ZNF273: variants seen among roughly 807,000 people sequenced by gnomAD.
ZNF273 encodes the protein zinc finger protein 273.
Under a neutral mutation model 14.9 loss-of-function variants are expected in ZNF273, and 11 were observed. The observed-to-expected ratio is 0.74, with a 90% CI of 0.46 to 1.22. ZNF273 has a LOEUF of 1.22. ZNF273 is among the 50% of genes most tolerant of loss of function. The pLI, the probability that ZNF273 is intolerant of heterozygous loss-of-function variation, is 0.00. For synonymous variants in ZNF273, 199 were observed against 223.9 expected (o/e 0.89, Z 0.99); for missense variants, 577 against 660.6 (o/e 0.87, Z 1.39).
At chr7:64,910,762 ATTTATTT>A (rs1302666820) in intron 1 of ZNF273, among the ~76,000 whole-genome samples, 3 of 100,528 alleles carry the variant, frequency 3.0e-5, no homozygotes, top group Non-Finnish European at 5.9e-5. Flanking sequence ...TAAATCTGTA[ATTTATTT>A]TTTTTTTTTT....
intron 3 of ZNF273, among the ~76,000 whole-genome samples, chr7:64,920,650 G>T (rs1222408507): frequency 6.6e-6 from 1 of 152,132 alleles, no homozygotes; most frequent in African/African-American, 2.4e-5. Flanking sequence ...AAGAACAGGG[G>T]TCCTGTAGTT....
At chr7:64,916,369 G>GAAA (rs762863213) in intron 1 of ZNF273, among the ~76,000 whole-genome samples, 82 of 135,050 alleles carry the variant, frequency 6.1e-4, no homozygotes, top group South Asian at 1.4e-3. Context: ...TACTAAAAAT[G>GAAA]TAAAAAAAAA....
At chr7:64,931,502 AT>A (rs761998216), downstream of ZNF273, among the ~76,000 whole-genome samples, 5 of 152,062 alleles carry the variant, frequency 3.3e-5, no homozygotes, top group Non-Finnish European at 7.4e-5. Context: ...TTTAGATGTA[AT>A]TTTACTATTA....
downstream of ZNF273, among the ~76,000 whole-genome samples, chr7:64,882,065 G>A (rs1791275268): frequency 2.0e-5 from 3 of 152,136 alleles, no homozygotes; most frequent in Admixed American, 2.0e-4. Flanking sequence ...CGTGGGTGCT[G>A]AGAAGGGGGA....
At chr7:64,886,436 G>C (rs1236084408) in intron 1 of ZNF273, among the ~76,000 whole-genome samples, 1 of 152,166 alleles carries the variant, frequency 6.6e-6, no homozygotes, top group South Asian at 2.1e-4. Flanking sequence ...CACAGAAGAG[G>C]AAACTAAATT....
At chr7:64,909,178 A>T (rs551958503) in intron 1 of ZNF273, among the ~76,000 whole-genome samples, 1 of 151,294 alleles carries the variant, frequency 6.6e-6, no homozygotes, top group East Asian at 1.9e-4. Flanking sequence ...TGGCCTCCCA[A>T]TGTGCTGCGA....
chr7:64,883,705 C>T (rs1222019682), downstream of ZNF273, among the ~76,000 whole-genome samples: 3 of 152,296 alleles, frequency 2.0e-5, no homozygotes, highest in African/African-American at 4.8e-5. Flanking sequence ...GGCTGTCATT[C>T]CCGGAGCCAC....
intron 1 of ZNF273, among the ~76,000 whole-genome samples, chr7:64,913,049 G>A (rs573031138): frequency 1.6e-4 from 25 of 151,608 alleles, no homozygotes; most frequent in Non-Finnish European, 3.1e-4. Flanking sequence ...GGCTGGTCTC[G>A]AACTCCTGAC....
upstream of ZNF273, among the ~76,000 whole-genome samples, chr7:64,902,823 C>A (rs994974967): frequency 1.3e-5 from 2 of 152,106 alleles, no homozygotes; most frequent in Admixed American, 6.5e-5. Context: ...TCCTGATTAG[C>A]CTGGGAAAAG....
chr7:64,927,246 C>A (rs549727806), intron 3 of ZNF273, among the ~76,000 whole-genome samples: 1 of 152,278 alleles, frequency 6.6e-6, no homozygotes, highest in South Asian at 2.1e-4. Flanking sequence ...GCATGTGCCA[C>A]ACCCGGCTAA....
chr7:64,901,019 T>G (rs897221183), upstream of ZNF273, among the ~76,000 whole-genome samples: 2 of 151,862 alleles, frequency 1.3e-5, no homozygotes, highest in Non-Finnish European at 2.9e-5. Context: ...TTTTTTTTTT[T>G]GTAGAGAGAG....
At chr7:64,886,607 T>C (rs1791596182) in intron 1 of ZNF273, among the ~76,000 whole-genome samples, 1 of 152,164 alleles carries the variant, frequency 6.6e-6, no homozygotes, top group Non-Finnish European at 1.5e-5. Context: ...ACCACTGTCA[T>C]CTCACTTAAC....
chr7:64,918,063 A>G (rs1794137839), intron 2 of ZNF273, 134 bp from the exon 3 acceptor site: 1 of 763,412 alleles, frequency 1.3e-6, no homozygotes. Context: ...ATATTTAGAA[A>G]TTTACATTAC....
At chr7:64,883,223 T>TCCC (rs1791364643), downstream of ZNF273, among the ~76,000 whole-genome samples, 3 of 138,070 alleles carry the variant, frequency 2.2e-5, no homozygotes, top group East Asian at 2.3e-4. Flanking sequence ...CACCCCCCCC[T>TCCC]CACCAAGCAG....
intron 1 of ZNF273, among the ~76,000 whole-genome samples, chr7:64,907,353 A>T (rs1287519325): frequency 2.6e-5 from 4 of 152,182 alleles, no homozygotes; most frequent in Non-Finnish European, 4.4e-5. Flanking sequence ...TATGTGCTTC[A>T]TCTTTCCCCA....
intron 1 of ZNF273, among the ~76,000 whole-genome samples, chr7:64,916,584 A>C (rs1476715519): frequency 6.6e-6 from 1 of 151,692 alleles, no homozygotes; most frequent in Non-Finnish European, 1.5e-5. Context: ...ACAAAATAAC[A>C]ACATAAGAGT....
chr7:64,915,181 A>G (rs1793883672), intron 1 of ZNF273, among the ~76,000 whole-genome samples: 1 of 142,692 alleles, frequency 7.0e-6, no homozygotes, highest in Admixed American at 7.2e-5. Flanking sequence ...CAGAATTCTC[A>G]CATGACTTTG....
chr7:64,912,421 C>T (rs1793584127), intron 1 of ZNF273, among the ~76,000 whole-genome samples: 3 of 152,162 alleles, frequency 2.0e-5, no homozygotes, highest in East Asian at 1.9e-4. Context: ...GTGCTAGAAT[C>T]GAAGTCTCTT....
At chr7:64,903,020 CA>C (rs2129055145), upstream of ZNF273, among the ~76,000 whole-genome samples, 1 of 152,322 alleles carries the variant, frequency 6.6e-6, no homozygotes, top group African/African-American at 2.4e-5. Flanking sequence ...TGACCTTATA[CA>C]CAAGGTTAAA....
Sources: allele counts gnomAD v4.1 joint callset (sites outside exome capture counted in the v4.1 genomes callset), GRCh38; gene constraint gnomAD v4.1.1; transcripts MANE v1.5; gene names NCBI Gene and HGNC (gene_info 2026-07-23, HGNC 2026-07-21).